Variants in UBR1 observed in about 807,000 individuals in gnomAD.
The protein encoded by UBR1 is E3 ubiquitin-protein ligase UBR1.
UBR1 carries 102 observed loss-of-function variants against 242.1 expected under a neutral mutation model. The observed-to-expected ratio is 0.42, with a 90% CI of 0.36 to 0.50. The LOEUF (loss-of-function observed/expected upper bound fraction) is 0.50, where lower values mean the gene tolerates loss of function less well. Ranked by LOEUF, UBR1 falls within the 20% of genes least tolerant of loss-of-function variation. The probability of loss-of-function intolerance (pLI) is 0.01; values close to 1 mark genes in which losing one functional copy is unlikely to be tolerated. For synonymous variants in UBR1, 675 were observed against 684.8 expected (o/e 0.99, Z 0.22); for missense variants, 1,772 against 2,101.8 (o/e 0.84, Z 3.07).
rs756104648 is a variant in UBR1, at chr15:43,022,676, T to TCAA, written c.2839+25_2839+26insTTG. The TCAA allele has an allele frequency of 6.8e-6, 10 of 1,476,078 alleles. No individual in the cohort carries two copies. The African/African-American group carries it at 9.7e-5, about 14-fold the overall frequency. The allele number at this position is 1,476,078 out of a possible 1,614,324, so 91.4% of individuals were successfully genotyped here. ...AGATCTAGACTTTCAATGACAAATG[T>TCAA]GTTGAAGAGTGATACTCAAACATAC... On this transcript the variant is annotated intron_variant, in intron 26 of 46. Transcript: ENST00000290650.
In UBR1 at chr15:43,036,578, C is replaced by A; in HGVS notation, c.2038G>T (p.Asp680Tyr). ...SLISQVFYYQ[D>Y]VKCREEMYDK... The stretch of plus-strand genomic sequence containing the variant: ...TACATTTCTTCTCTGCACTTAACAT[C>A]TTGGTAATAAAACACCTATAAGGTA... The change falls in exon 18 of 47, where the codon GAT (aspartate) becomes TAT (tyrosine). Residue 680 changes from aspartate (D) to tyrosine (Y), a missense_variant. Physicochemically the swap from Asp to Tyr is radical, Grantham distance 160. This residue lies in a region of UBR1 where 734 missense variants were observed against 893.3 expected (regional missense o/e 0.82). Coordinates refer to ENST00000290650, the MANE Select transcript of UBR1 (RefSeq NM_174916.3). The A allele has an allele frequency of 1.3e-6, 2 of 1,590,408 alleles. No homozygotes were observed. Among genetic ancestry groups the A allele is most frequent in the Non-Finnish European group, 1.7e-6 (2 of 1,158,870 alleles).
chr15:43,018,412 C>T (rs1200829316), intron 27 of UBR1, among the ~76,000 whole-genome samples: 1 of 152,168 alleles, frequency 6.6e-6, no homozygotes, highest in Non-Finnish European at 1.5e-5. Flanking sequence ...ATTCATTCGA[C>T]AGAGTTTCAG....
At chr15:43,022,833 T>C (rs1489199154) in intron 25 of UBR1, 32 bp from the exon 26 acceptor site, 13 of 1,391,216 alleles carry the variant, frequency 9.3e-6, no homozygotes, top group Non-Finnish European at 1.2e-5. Flanking sequence ...TCTTTAAAAT[T>C]GCGCTTCTTC....
intron 21 of UBR1, 97 bp downstream of exon 21, chr15:43,029,847 C>T: frequency 6.8e-7 from 1 of 1,466,108 alleles, no homozygotes; most frequent in South Asian, 1.1e-5. Context: ...TGATATAGGA[C>T]TTTTTGCCTA....
intron 30 of UBR1, 45 bp from the exon 31 acceptor site, chr15:43,003,975 C>T: frequency 1.3e-6 from 2 of 1,556,042 alleles, no homozygotes; most frequent in Non-Finnish European, 1.8e-6. Context: ...GACAGGTTAT[C>T]AGGTCCAAAG....
intron 10 of UBR1, 44 bp from the exon 11 acceptor site, chr15:43,056,486 G>C (rs751618719): frequency 7.2e-7 from 1 of 1,384,636 alleles, no homozygotes; most frequent in Non-Finnish European, 1.0e-6. Context: ...CACTACTAAA[G>C]ACCTTTAAAA....
chr15:43,103,109 A>C (rs2034258127), intron 1 of UBR1, among the ~76,000 whole-genome samples: 1 of 152,248 alleles, frequency 6.6e-6, no homozygotes, highest in African/African-American at 2.4e-5. Flanking sequence ...TGGAAGTTAT[A>C]GTGAGCCAAG....
At chr15:42,987,695 G>C (rs1316608851) in intron 35 of UBR1, among the ~76,000 whole-genome samples, 1 of 114,676 alleles carries the variant, frequency 8.7e-6, no homozygotes, top group Non-Finnish European at 1.7e-5. Context: ...TCTGCCAATA[G>C]AGCGAGACTC....
intron 24 of UBR1, among the ~76,000 whole-genome samples, 167 bp downstream of exon 24, chr15:43,025,214 A>G (rs1447001679): frequency 2.6e-5 from 4 of 152,212 alleles, no homozygotes; most frequent in Admixed American, 6.5e-5. Context: ...TTCAATCACT[A>G]CTGATATATA....
At chr15:43,022,640 A>G (rs765562660) in intron 26 of UBR1, 62 bp downstream of exon 26, 36 of 1,243,020 alleles carry the variant, frequency 2.9e-5, no homozygotes, top group Non-Finnish European at 3.9e-5. Flanking sequence ...TTGACAAATT[A>G]AAACTCCTTA....
chr15:42,950,638 T>C, intron 45 of UBR1: 1 of 425,790 alleles, frequency 2.3e-6, no homozygotes, highest in Non-Finnish European at 4.3e-6. Flanking sequence ...GAAACTGTCC[T>C]ACTTCAGCCA....
intron 38 of UBR1, among the ~76,000 whole-genome samples, chr15:42,977,592 G>A (rs887948738): frequency 5.9e-5 from 9 of 151,504 alleles, no homozygotes; most frequent in African/African-American, 2.2e-4. Flanking sequence ...AAGGCCAGAA[G>A]AGGAGCATAA....
At chr15:42,969,325 T>C (rs776895337) in intron 40 of UBR1, among the ~76,000 whole-genome samples, 8 of 152,222 alleles carry the variant, frequency 5.3e-5, no homozygotes, top group Non-Finnish European at 1.2e-4. Flanking sequence ...TTTTGAAAAG[T>C]GTCTGTTCAT....
chr15:43,088,609 C>A (rs1415501005), intron 1 of UBR1, among the ~76,000 whole-genome samples: 1 of 151,848 alleles, frequency 6.6e-6, no homozygotes, highest in Non-Finnish European at 1.5e-5. Flanking sequence ...GATTTTCCTG[C>A]CTCAGCCTCC....
chr15:43,017,075 G>A lies in UBR1; in HGVS notation c.3027+20C>T, dbSNP rs1236782040. The A allele has an allele frequency of 6.4e-7, 1 of 1,572,702 alleles. No homozygotes were observed. On this transcript the variant is annotated intron_variant, in intron 28 of 46. Transcript: ENST00000290650. ...AGAGATGAATGTCACCATTACTACA[G>A]TGTTATTACAGTGTCATACCTCATC...
Position 43,025,607 on chromosome 15 carries a change from A to G in UBR1, c.2536-178T>C, listed in dbSNP as rs1459589206. 9 of 590,550 alleles carry G rather than the reference A, an allele frequency of 1.5e-5. No individual in the cohort carries two copies. The Admixed American group carries it at 1.8e-4, about 12-fold the overall frequency. 36.6% of individuals were successfully genotyped at this position (590,550 alleles called of 1,614,324 possible). ...GTGTTCTAGAGAAACCTAATGCAAA[A>G]TAGATGAGGAATATCCCTGATCAAA... On this transcript the variant is annotated intron_variant, in intron 23 of 46. Coordinates refer to ENST00000290650, the MANE Select transcript of UBR1 (RefSeq NM_174916.3).
intron 29 of UBR1, among the ~76,000 whole-genome samples, chr15:43,008,881 C>A (rs1179141310): frequency 1.3e-5 from 2 of 152,050 alleles, no homozygotes; most frequent in African/African-American, 4.8e-5. Flanking sequence ...CTCCTCTCCA[C>A]TGAGTGCTGG....
At chr15:42,950,945 T>A (rs1567105890) in intron 45 of UBR1, among the ~76,000 whole-genome samples, 1 of 152,150 alleles carries the variant, frequency 6.6e-6, no homozygotes. Flanking sequence ...ACTTTACAGA[T>A]AAATTATAAA....
Position 42,960,566 on chromosome 15 carries a change from A to G in UBR1, c.4757+79T>C, listed in dbSNP as rs3759792. The G allele has an allele frequency of 0.2, 280,239 of 1,415,886 alleles. 30,533 individuals carry two copies. Among genetic ancestry groups the G allele is most frequent in the African/African-American group, 0.37 (25,729 of 70,226 alleles). The allele number at this position is 1,415,886 out of a possible 1,614,324, so 87.7% of individuals were successfully genotyped here. On this transcript the variant is annotated intron_variant, in intron 43 of 46. Transcript: ENST00000290650. ...AGTGAGAATGAAGAAAGCAGACTAG[A>G]AACTATGCTCAACAAATCAACTACT...
Sources: gnomAD v4.1 joint callset for allele counts (sites outside exome capture counted in the v4.1 genomes callset) on GRCh38, gnomAD v4.1.1 for gene constraint, gnomAD v4.1.1 regional missense constraint, MANE v1.5 for transcripts, NCBI Gene and HGNC (gene_info 2026-07-23, HGNC 2026-07-21) for gene names.